MYLK: variants seen among roughly 807,000 people sequenced by gnomAD.
MYLK encodes the protein myosin light chain kinase.
In MYLK, 106 loss-of-function variants were observed where a neutral mutation model predicts 203.4. That is an observed-to-expected ratio of 0.52 (90% CI 0.45 to 0.61). MYLK has a LOEUF of 0.61. Ranked by LOEUF, MYLK falls within the 20% of genes least tolerant of loss-of-function variation. MYLK has a pLI of 0.00. For missense variants in MYLK, 2,072 were observed against 2,442.3 expected, an observed-to-expected ratio of 0.85 and a Z score of 3.20; for synonymous variants, 867 against 959.5, an observed-to-expected ratio of 0.90 and a Z score of 1.78.
At chr3:123,622,781 A>G (rs2057940215) in intron 31 of MYLK, 1 of 152,266 alleles carries the variant, frequency 6.6e-6, no homozygotes, top group South Asian at 2.1e-4. Context: ...AAATGAATAT[A>G]TCAGTATGTT....
At chr3:123,753,649 G>A (rs1476608891) in intron 4 of MYLK, among the ~76,000 whole-genome samples, 1 of 152,044 alleles carries the variant, frequency 6.6e-6, no homozygotes, top group Admixed American at 6.6e-5. Context: ...TTAAAGAAAG[G>A]AAGTCCCCCA....
At chr3:123,802,401 T>C (rs2065227312) in intron 3 of MYLK, among the ~76,000 whole-genome samples, 2 of 152,242 alleles carry the variant, frequency 1.3e-5, no homozygotes, top group African/African-American at 2.4e-5. Context: ...CCTTTCCTCT[T>C]GGAAGACACA....
At position 123,640,538 on chromosome 3, in the gene MYLK, C is replaced by T; in HGVS notation, c.4620-34G>A. Reference sequence around the variant, plus strand: ...ACACGTGCACGGGGTGGTCAGGCCACAGGCTCATGGAGGCCAGGCTGGCAG... The same window carrying T: ...ACACGTGCACGGGGTGGTCAGGCCATAGGCTCATGGAGGCCAGGCTGGCAG... On this transcript the variant is annotated intron_variant, in intron 27 of 33. Coordinates refer to ENST00000360304, the MANE Select transcript of MYLK (RefSeq NM_053025.4). The surrounding 1 kb of genome is among the most constrained non-coding windows in gnomAD (Gnocchi z 4.3). 1 of 1,611,274 alleles carries T rather than the reference C, an allele frequency of 6.2e-7. No homozygotes were observed. The highest frequency in any genetic ancestry group is 8.5e-7 in the Non-Finnish European group (1 of 1,178,446).
chr3:123,662,558 A>C (rs2059597620), intron 23 of MYLK, among the ~76,000 whole-genome samples: 1 of 152,184 alleles, frequency 6.6e-6, no homozygotes, highest in South Asian at 2.1e-4. Context: ...GGAATCATAG[A>C]ATGTCAGAGC....
At chr3:123,681,906 C>G in intron 20 of MYLK, 1 of 388,524 alleles carries the variant, frequency 2.6e-6, no homozygotes, top group South Asian at 2.7e-5. Context: ...TTAGGAGGAG[C>G]TCTCCTAGAG....
chr3:123,626,383 T>C (rs923135622), intron 31 of MYLK, among the ~76,000 whole-genome samples: 1 of 152,228 alleles, frequency 6.6e-6, no homozygotes, highest in Non-Finnish European at 1.5e-5. Flanking sequence ...CCTTCCTAGA[T>C]GGTGGGACCA....
At chr3:123,699,970 G>A (rs1269712459) in intron 18 of MYLK, 50 bp downstream of exon 18, 9 of 1,613,158 alleles carry the variant, frequency 5.6e-6, no homozygotes, top group Admixed American at 1.7e-5. Flanking sequence ...TGAGCTAGGA[G>A]TGGCCCTGGT....
At chr3:123,822,916 C>T (rs2065985651) in intron 3 of MYLK, among the ~76,000 whole-genome samples, 1 of 152,164 alleles carries the variant, frequency 6.6e-6, no homozygotes, top group Non-Finnish European at 1.5e-5. Flanking sequence ...TAAGGGACAG[C>T]TTTAAGTGGC....
intron 4 of MYLK, among the ~76,000 whole-genome samples, chr3:123,777,747 G>A (rs1027769439): frequency 2.0e-5 from 3 of 152,062 alleles, no homozygotes; most frequent in Non-Finnish European, 4.4e-5. Flanking sequence ...CAGAGCCAGG[G>A]GTCTCCAGTC....
At chr3:123,652,547 C>T (rs1404226451) in intron 24 of MYLK, among the ~76,000 whole-genome samples, 2 of 152,182 alleles carry the variant, frequency 1.3e-5, no homozygotes, top group East Asian at 3.9e-4. Flanking sequence ...GCACCCCCGC[C>T]CCGGAGACGG....
At chr3:123,866,968 A>C (rs2032373194) in intron 2 of MYLK, among the ~76,000 whole-genome samples, 1 of 151,876 alleles carries the variant, frequency 6.6e-6, no homozygotes, top group Non-Finnish European at 1.5e-5. Flanking sequence ...ATGACTCCCC[A>C]CTGGCTCCTA....
intron 3 of MYLK, among the ~76,000 whole-genome samples, chr3:123,809,593 GTC>G (rs2065484609): frequency 6.6e-6 from 1 of 152,194 alleles, no homozygotes; most frequent in Non-Finnish European, 1.5e-5. Context: ...CATCCTGGCA[GTC>G]TCTCTGTGAG....
Position 123,677,884 on chromosome 3 carries a change from AATATATATAT to A in MYLK, c.3652+4330_3652+4339del, listed in dbSNP as rs3085284. On this transcript the variant is annotated intron_variant, in intron 20 of 33. Coordinates refer to ENST00000360304, the MANE Select transcript of MYLK (RefSeq NM_053025.4). ...CTCTATCTAAATGAATAAATAAATG[AATATATATAT>A]ATATATATATATATATATATATATA... 3.0e-3 allele frequency among the ~76,000 whole-genome samples: 162 copies of A among 53,580 alleles called. 6 individuals carry two copies. Among genetic ancestry groups the A allele is most frequent in the African/African-American group, 8.5e-3 (109 of 12,860 alleles). 35.2% of individuals were successfully genotyped at this position (53,580 alleles called of 152,430 possible).
intron 4 of MYLK, among the ~76,000 whole-genome samples, chr3:123,774,713 C>A (rs2064005199): frequency 6.6e-6 from 1 of 152,142 alleles, no homozygotes; most frequent in Non-Finnish European, 1.5e-5. Context: ...ACACCACACC[C>A]TTATTTTGTA....
intron 27 of MYLK, 169 bp downstream of exon 27, chr3:123,647,055 C>T (rs565733436): frequency 5.9e-6 from 4 of 677,142 alleles, no homozygotes; most frequent in East Asian, 2.7e-5. Flanking sequence ...CACAGACCTT[C>T]GGTTCTGTTT....
chr3:123,701,412 G>C lies in MYLK; in HGVS notation c.2462+26C>G, dbSNP rs765052665. Reference sequence around the variant, plus strand: ...AAGGTGGGGATGGGGGCATGGCCTGGAGGGGCAGCTCCTGGGGGCACTCAC... The same window carrying C: ...AAGGTGGGGATGGGGGCATGGCCTGCAGGGGCAGCTCCTGGGGGCACTCAC... On this transcript the variant is annotated intron_variant, in intron 17 of 33. Coordinates refer to ENST00000360304, the MANE Select transcript of MYLK (RefSeq NM_053025.4). 20 of 1,612,654 alleles carry C rather than the reference G, an allele frequency of 1.2e-5. No homozygotes were observed. In the Admixed American group the frequency reaches 3.3e-4, roughly 27 times the overall value.
At chr3:123,774,116 A>C (rs2063978600) in intron 4 of MYLK, among the ~76,000 whole-genome samples, 3 of 152,244 alleles carry the variant, frequency 2.0e-5, no homozygotes, top group African/African-American at 7.2e-5. Flanking sequence ...GTTTTCAATA[A>C]GGCTCCACTT....
chr3:123,719,949 C>A (rs2062029124), intron 13 of MYLK, among the ~76,000 whole-genome samples: 1 of 152,244 alleles, frequency 6.6e-6, no homozygotes, highest in African/African-American at 2.4e-5. Context: ...TGTCTCAGGG[C>A]ACCGTGCCAG....
At chr3:123,808,575 C>T (rs972132310) in intron 3 of MYLK, among the ~76,000 whole-genome samples, 3 of 152,306 alleles carry the variant, frequency 2.0e-5, no homozygotes, top group African/African-American at 7.2e-5. Context: ...ACAGGCTACA[C>T]CCCAAGCCCC....
Sources: allele counts gnomAD v4.1 joint callset (sites outside exome capture counted in the v4.1 genomes callset), GRCh38; gene constraint gnomAD v4.1.1; non-coding constraint Gnocchi (gnomAD v3.1); transcripts MANE v1.5; gene names NCBI Gene and HGNC (gene_info 2026-07-23, HGNC 2026-07-21).